Variants in TPD52 observed in about 807,000 individuals in gnomAD.
The protein encoded by TPD52 is prostate and colon associated protein.
A neutral mutation model predicts 31.3 loss-of-function variants in TPD52; 17 were observed. The observed-to-expected ratio is 0.54, with a 90% CI of 0.37 to 0.82. TPD52 has a LOEUF of 0.82. Ranked by LOEUF, TPD52 falls within the 40% of genes least tolerant of loss-of-function variation. The pLI is 0.00. For synonymous variants in TPD52, 83 were observed against 89.6 expected (o/e 0.93, Z 0.42); for missense variants, 212 against 240.1 (o/e 0.88, Z 0.77).
intron 1 of TPD52, among the ~76,000 whole-genome samples, chr8:80,158,263 C>T (rs147896367): frequency 6.6e-6 from 1 of 151,914 alleles, no homozygotes; most frequent in Non-Finnish European, 1.5e-5. Context: ...CTCCCCACCC[C>T]ACTCCTCTTC....
downstream of TPD52, among the ~76,000 whole-genome samples, chr8:80,031,180 C>T (rs538362746): frequency 2.0e-5 from 3 of 152,356 alleles, no homozygotes; most frequent in Admixed American, 2.0e-4. Flanking sequence ...ACACACCTTT[C>T]CAGTTCATTT....
chr8:80,063,552 C>A (rs2130675730), intron 2 of TPD52, among the ~76,000 whole-genome samples: 1 of 152,272 alleles, frequency 6.6e-6, no homozygotes, highest in East Asian at 1.9e-4. Context: ...AATCCCAGCA[C>A]TTTGGGAGAC....
At chr8:80,156,954 G>C (rs977787703) in intron 1 of TPD52, among the ~76,000 whole-genome samples, 3 of 152,096 alleles carry the variant, frequency 2.0e-5, no homozygotes, top group Admixed American at 2.0e-4. Context: ...TGCAGGAATG[G>C]GGGAATGGTA....
At chr8:80,048,915 T>C (rs1417548301) in intron 5 of TPD52, among the ~76,000 whole-genome samples, 4 of 152,232 alleles carry the variant, frequency 2.6e-5, no homozygotes, top group Non-Finnish European at 5.9e-5. Flanking sequence ...ATCTTAATTA[T>C]ATTTTTTAAA....
At chr8:80,071,013 G>A (rs143541965) in intron 1 of TPD52, among the ~76,000 whole-genome samples, 62 of 152,246 alleles carry the variant, frequency 4.1e-4, no homozygotes, top group African/African-American at 1.1e-3. Context: ...GATACAGAGC[G>A]CAAAGCACAG....
At chr8:80,167,930 T>A (rs963175907) in intron 1 of TPD52, among the ~76,000 whole-genome samples, 1 of 152,354 alleles carries the variant, frequency 6.6e-6, no homozygotes, top group East Asian at 1.9e-4. Context: ...CACTCAAGTA[T>A]ACATATTTAT....
At chr8:80,086,116 AGT>A (rs1491376663) in intron 1 of TPD52, among the ~76,000 whole-genome samples, 1 of 61,882 alleles carries the variant, frequency 1.6e-5, no homozygotes, top group African/African-American at 6.8e-5. Context: ...TTTTTTTTTT[AGT>A]TTTTTTTTTT....
intron 1 of TPD52, among the ~76,000 whole-genome samples, chr8:80,122,176 A>G (rs1174852527): frequency 6.6e-6 from 1 of 152,202 alleles, no homozygotes; most frequent in Non-Finnish European, 1.5e-5. Context: ...GGCTTTCTCT[A>G]TGGTGACACG....
At chr8:80,124,539 T>C (rs988236923) in intron 1 of TPD52, among the ~76,000 whole-genome samples, 9 of 152,206 alleles carry the variant, frequency 5.9e-5, no homozygotes, top group African/African-American at 1.9e-4. Flanking sequence ...TGTGTATACG[T>C]ACGTTTACAC....
intron 1 of TPD52, among the ~76,000 whole-genome samples, chr8:80,133,980 T>C (rs1012213338): frequency 6.6e-6 from 1 of 152,104 alleles, no homozygotes; most frequent in Non-Finnish European, 1.5e-5. Context: ...AGAAATGTCA[T>C]CCAAATATAG....
chr8:80,081,046 C>A lies in TPD52; in HGVS notation c.20-16453G>T, dbSNP rs189573321. Reference sequence around the variant, plus strand: ...GCTTCCTGGTTTAGCAATCAGCTTTCTAAGCACAACTTGGTATAAAAATAA... The same window carrying A: ...GCTTCCTGGTTTAGCAATCAGCTTTATAAGCACAACTTGGTATAAAAATAA... On this transcript the variant is annotated intron_variant, in intron 1 of 7. Coordinates refer to ENST00000518937, the MANE Select transcript of TPD52 (RefSeq NM_001025253.3). Among the ~76,000 whole-genome samples the A allele has an allele frequency of 7.4e-4, 113 of 151,836 alleles. 1 individual carries two copies. The highest frequency in any genetic ancestry group is 1.2e-3 in the Non-Finnish European group (80 of 67,960).
intron 1 of TPD52, among the ~76,000 whole-genome samples, chr8:80,068,036 C>T (rs1813355411): frequency 6.9e-6 from 1 of 145,254 alleles, no homozygotes; most frequent in Non-Finnish European, 1.5e-5. Context: ...TAATCCAAAA[C>T]TTATTTGTTC....
intron 3 of TPD52, 27 bp downstream of exon 3, chr8:80,053,255 G>A: frequency 6.2e-7 from 1 of 1,610,314 alleles, no homozygotes; most frequent in South Asian, 1.1e-5. Flanking sequence ...ACACTCCCAA[G>A]GAAAGTGTAT....
At position 80,072,588 on chromosome 8, in the gene TPD52, T is replaced by C. The variant is rs535581941; in HGVS notation, c.20-7995A>G. Among the ~76,000 whole-genome samples, 5 of 108,114 alleles carry C rather than the reference T, an allele frequency of 4.6e-5. 1 individual carries two copies. Among genetic ancestry groups the C allele is most frequent in the Admixed American group, 9.5e-5 (1 of 10,488 alleles). 70.9% of individuals were successfully genotyped at this position (108,114 alleles called of 152,430 possible). Reference sequence around the variant, plus strand: ...ACACATAGATATGCGTGTATATACATGTACACATAGATATGCGTGTATATA... The same window carrying C: ...ACACATAGATATGCGTGTATATACACGTACACATAGATATGCGTGTATATA... On this transcript the variant is annotated intron_variant, in intron 1 of 7. Coordinates refer to ENST00000518937, the MANE Select transcript of TPD52 (RefSeq NM_001025253.3).
At chr8:80,056,097 T>C (rs1169992963) in intron 2 of TPD52, among the ~76,000 whole-genome samples, 2 of 152,176 alleles carry the variant, frequency 1.3e-5, no homozygotes, top group African/African-American at 2.4e-5. Context: ...CCCACGTTTA[T>C]TGCAGCACTA....
chr8:80,109,956 C>T (rs1807391312), intron 1 of TPD52, among the ~76,000 whole-genome samples: 1 of 152,098 alleles, frequency 6.6e-6, no homozygotes, highest in Non-Finnish European at 1.5e-5. Context: ...GAGATGTATA[C>T]CTGATACAAG....
chr8:80,074,366 C>A (rs1027747533), intron 1 of TPD52, among the ~76,000 whole-genome samples: 29 of 152,334 alleles, frequency 1.9e-4, no homozygotes, highest in African/African-American at 5.5e-4. Context: ...CCTGGGGCTC[C>A]CATTCTCTGT....
At chr8:80,126,390 G>T (rs1245951234) in intron 1 of TPD52, among the ~76,000 whole-genome samples, 3 of 136,650 alleles carry the variant, frequency 2.2e-5, no homozygotes, top group Admixed American at 7.5e-5. Flanking sequence ...AACATTCTCT[G>T]TTCATCCCAA....
At chr8:80,091,357 T>A (rs1371476795) in intron 1 of TPD52, among the ~76,000 whole-genome samples, 2 of 151,314 alleles carry the variant, frequency 1.3e-5, no homozygotes, top group Non-Finnish European at 2.9e-5. Flanking sequence ...TAGTCCCAGC[T>A]ACTTGGGAGG....
Sources: gnomAD v4.1 joint callset for allele counts (sites outside exome capture counted in the v4.1 genomes callset) on GRCh38, gnomAD v4.1.1 for gene constraint, MANE v1.5 for transcripts, NCBI Gene and HGNC (gene_info 2026-07-23, HGNC 2026-07-21) for gene names.